The following GALNT16 variants were observed in gnomAD, a reference collection of about 807,000 sequenced individuals.
GALNT16 encodes UDP-GalNAc:polypeptide N-acetylgalactosaminyltransferase-like protein 1.
Under a neutral mutation model 76.1 loss-of-function variants are expected in GALNT16, and 40 were observed. The observed-to-expected ratio is 0.53, with a 90% CI of 0.41 to 0.68. GALNT16 has a LOEUF of 0.68. Among genes scored for constraint, GALNT16 ranks in the 30% least tolerant of loss-of-function variants. GALNT16 has a pLI of 0.00. For synonymous variants in GALNT16, 276 were observed against 285.2 expected (o/e 0.97, Z 0.32); for missense variants, 621 against 731.9 (o/e 0.85, Z 1.75).
intron 10 of GALNT16, among the ~76,000 whole-genome samples, chr14:69,338,999 C>T (rs2045449454): frequency 6.6e-6 from 1 of 152,050 alleles, no homozygotes; most frequent in Non-Finnish European, 1.5e-5. Context: ...TATGGACTTC[C>T]TTTGTCCATA....
the GALNT16 span, among the ~76,000 whole-genome samples, chr14:69,372,035 G>A: frequency 2.0e-5 from 3 of 152,324 alleles, no homozygotes; most frequent in Admixed American, 1.3e-4. Context: ...GTGAAAATGA[G>A]GTGGAAACAG....
At chr14:69,323,491 G>A (rs1486137775) in intron 2 of GALNT16, among the ~76,000 whole-genome samples, 1 of 152,192 alleles carries the variant, frequency 6.6e-6, no homozygotes, top group Non-Finnish European at 1.5e-5. Context: ...GGGGGATCAG[G>A]ACAGAGGACT....
At chr14:69,378,017 C>G in the GALNT16 span, among the ~76,000 whole-genome samples, 1 of 152,166 alleles carries the variant, frequency 6.6e-6, no homozygotes, top group East Asian at 1.9e-4. Context: ...CCCAACCCAG[C>G]CTGGTCTGCT....
chr14:69,297,558 A>C (rs992193008), intron 1 of GALNT16, among the ~76,000 whole-genome samples: 4 of 151,874 alleles, frequency 2.6e-5, no homozygotes, highest in Non-Finnish European at 5.9e-5. Flanking sequence ...TACTTAGCTC[A>C]CTTTTAATGC....
chr14:69,320,524 A>AT (rs1283694052), intron 1 of GALNT16, among the ~76,000 whole-genome samples, 187 bp from the exon 2 acceptor site: 1 of 141,592 alleles, frequency 7.1e-6, no homozygotes, highest in African/African-American at 2.6e-5. Flanking sequence ...AGAAAAAAAA[A>AT]GAAACCCTCT....
intron 1 of GALNT16, among the ~76,000 whole-genome samples, chr14:69,293,946 A>T (rs2044720057): frequency 6.6e-6 from 1 of 151,894 alleles, no homozygotes; most frequent in Non-Finnish European, 1.5e-5. Flanking sequence ...GCGGGAGTAC[A>T]GTGGCATAAT....
Position 69,347,869 on chromosome 14 carries a change from C to A in GALNT16, c.1414-8C>A. The A allele has an allele frequency of 6.2e-7, 1 of 1,612,904 alleles. No homozygotes were observed. Among genetic ancestry groups the A allele is most frequent in the Non-Finnish European group, 8.5e-7 (1 of 1,179,986 alleles). ...TTTGACTTGGCCTTTCTGCTCCCTG[C>A]CTTGCAGGCATGGCTGTTCAGTGAC... On this transcript the variant is annotated splice_region_variant and splice_polypyrimidine_tract_variant and intron_variant, in intron 13 of 14. Coordinates refer to ENST00000448469, the MANE Select transcript of GALNT16 (RefSeq NM_001168368.2).
intron 1 of GALNT16, among the ~76,000 whole-genome samples, chr14:69,309,761 G>A (rs189342653): frequency 1.3e-5 from 2 of 152,066 alleles, no homozygotes; most frequent in Admixed American, 1.3e-4. Context: ...TTTTCCCAAC[G>A]TGATGTTTGT....
intron 9 of GALNT16, among the ~76,000 whole-genome samples, chr14:69,336,271 G>A (rs138815961): frequency 0.038 from 5,824 of 152,254 alleles, 138 homozygotes; most frequent in South Asian, 0.055. Flanking sequence ...CACCAGGCCC[G>A]GCTAATTTTT....
In GALNT16 at chr14:69,352,193, C is replaced by G. The variant is rs1396537707; in HGVS notation, c.*25C>G. 2 of 1,575,894 alleles carry G rather than the reference C, an allele frequency of 1.3e-6. No homozygotes were observed. Among genetic ancestry groups the G allele is most frequent in the Admixed American group, 3.7e-5 (2 of 54,246 alleles). ...ACGGTAGCCCTGGGGCCTCCTGTAC[C>G]TTTTGCATGAGACTTCGGGACCGGA... is the stretch of plus-strand genomic sequence containing the variant. On this transcript the variant is annotated 3_prime_UTR_variant, in exon 15 of 15. Coordinates refer to ENST00000448469, the MANE Select transcript of GALNT16 (RefSeq NM_001168368.2).
At position 69,352,283 on chromosome 14, in the gene GALNT16, A is replaced by G. The variant is rs953741725; in HGVS notation, c.*115A>G. 5.3e-6 allele frequency: 5 copies of G among 938,174 alleles called. No individual in the cohort carries two copies. Among genetic ancestry groups the G allele is most frequent in the South Asian group, 5.2e-5 (3 of 57,494 alleles). 58.1% of individuals were successfully genotyped at this position (938,174 alleles called of 1,614,324 possible). On this transcript the variant is annotated 3_prime_UTR_variant, in exon 15 of 15. Coordinates refer to ENST00000448469, the MANE Select transcript of GALNT16 (RefSeq NM_001168368.2). ...ATCTCCTCACATTTCTGCCAGGACC[A>G]TCAGCAAATACCCACCATGACACAC...
At chr14:69,275,900 T>C (rs2044465420) in intron 1 of GALNT16, among the ~76,000 whole-genome samples, 1 of 152,176 alleles carries the variant, frequency 6.6e-6, no homozygotes, top group Non-Finnish European at 1.5e-5. Flanking sequence ...TACCTGAGAC[T>C]GGGCAATTTA....
chr14:69,307,826 C>G (rs1393167415), intron 1 of GALNT16, among the ~76,000 whole-genome samples: 1 of 152,202 alleles, frequency 6.6e-6, no homozygotes, highest in Non-Finnish European at 1.5e-5. Flanking sequence ...GTACCAGCCT[C>G]CTGGGAGTGT....
intron 12 of GALNT16, 123 bp from the exon 13 acceptor site, chr14:69,346,917 C>A: frequency 5.1e-6 from 6 of 1,169,446 alleles, no homozygotes; most frequent in Non-Finnish European, 7.6e-6. Flanking sequence ...CCAGGCTGCT[C>A]CCGGGCCCCT....
chr14:69,373,302 C>T, the GALNT16 span, among the ~76,000 whole-genome samples: 2 of 152,186 alleles, frequency 1.3e-5, no homozygotes, highest in South Asian at 4.1e-4. Context: ...AGAAAGAAAC[C>T]ATGATCTATC....
intron 1 of GALNT16, among the ~76,000 whole-genome samples, chr14:69,307,290 GC>G (rs2044949922): frequency 6.6e-6 from 1 of 152,202 alleles, no homozygotes; most frequent in Non-Finnish European, 1.5e-5. Flanking sequence ...ACCTCGAGCA[GC>G]TACTGTGTGC....
chr14:69,260,066 G>A (rs867932626), upstream of GALNT16: 18 of 498,978 alleles, frequency 3.6e-5, no homozygotes, highest in Non-Finnish European at 5.7e-5. Context: ...GCGCCCGGGG[G>A]ACGCGCGCGC....
intron 4 of GALNT16, 97 bp from the exon 5 acceptor site, chr14:69,325,865 T>C: frequency 2.2e-6 from 2 of 925,600 alleles, no homozygotes; most frequent in Non-Finnish European, 3.6e-6. Flanking sequence ...CCCAACCCTT[T>C]CCTGGGCTTA....
At chr14:69,375,354 G>A in the GALNT16 span, among the ~76,000 whole-genome samples, 4 of 152,180 alleles carry the variant, frequency 2.6e-5, no homozygotes, top group Non-Finnish European at 4.4e-5. Flanking sequence ...CTGACAATCC[G>A]AGTCTTTTCA....
Sources: gnomAD v4.1 joint callset for allele counts (sites outside exome capture counted in the v4.1 genomes callset) on GRCh38, gnomAD v4.1.1 for gene constraint, MANE v1.5 for transcripts, NCBI Gene and HGNC (gene_info 2026-07-23, HGNC 2026-07-21) for gene names.